NHS: variants seen among roughly 807,000 people sequenced by gnomAD.
NHS encodes the protein actin remodeling regulator NHS.
Under a neutral mutation model 72.5 loss-of-function variants are expected in NHS, and 5 were observed. The observed-to-expected ratio is 0.07, with a 90% confidence interval of 0.04 to 0.14. The LOEUF (loss-of-function observed/expected upper bound fraction) is 0.14, where lower values mean the gene tolerates loss of function less well. NHS is among the 10% of genes least tolerant of loss of function. NHS has a pLI of 1.00. For missense variants in NHS, 1,072 were observed against 1,355.7 expected, an observed-to-expected ratio of 0.79 and a Z score of 3.29; for synonymous variants, 464 against 547.7, an observed-to-expected ratio of 0.85 and a Z score of 2.13.
rs1416017080 is a variant in NHS at position 17,732,493 on chromosome X, G to A, written c.*29G>A. On this transcript the variant is annotated 3_prime_UTR_variant, in exon 9 of 9. Coordinates refer to ENST00000676302, the MANE Select transcript of NHS (RefSeq NM_001291867.2). ...GCCTGTACCAGGCTGCCTGGCAAAG[G>A]CCAAAACCCTTACTCACATGAGGAT... The A allele has an allele frequency of 8.3e-7, 1 of 1,211,271 alleles. No individual in the cohort carries two copies. The highest frequency in any genetic ancestry group is 1.1e-6 in the Non-Finnish European group (1 of 895,413).
chrX:17,561,557 TGCGCGCGCGCGCGC>T (rs1240571846), intron 1 of NHS, among the ~76,000 whole-genome samples: 1 of 76,516 alleles, frequency 1.3e-5, no homozygotes, highest in African/African-American at 5.2e-5. Flanking sequence ...TGCAAGTGCA[TGCGCGCGCGCGCGC>T]GCGCACACAC....
chrX:17,614,204 G>C (rs747397251), intron 1 of NHS, among the ~76,000 whole-genome samples: 32 of 112,328 alleles, frequency 2.8e-4, no homozygotes, highest in African/African-American at 1.0e-3. Context: ...CAGAGGCGTG[G>C]AGCTGTTGAC....
At chrX:17,685,308 A>T (rs1219029359) in intron 1 of NHS, among the ~76,000 whole-genome samples, 1 of 111,798 alleles carries the variant, frequency 8.9e-6, no homozygotes, top group Non-Finnish European at 1.9e-5. Context: ...TTCACCTGCT[A>T]ATGTGTGGCA....
At chrX:17,396,958 A>G (rs760825619) in intron 1 of NHS, among the ~76,000 whole-genome samples, 4 of 110,176 alleles carry the variant, frequency 3.6e-5, no homozygotes, top group Non-Finnish European at 7.6e-5. Flanking sequence ...TCCCCACCTT[A>G]AAAAAAAAGC....
intron 1 of NHS, chrX:17,585,954 C>T (rs2065573360): frequency 9.1e-6 from 1 of 110,167 alleles, no homozygotes; most frequent in Non-Finnish European, 1.9e-5. Flanking sequence ...TGAGAAGAAC[C>T]TCGAAGTCAT....
intron 3 of NHS, among the ~76,000 whole-genome samples, chrX:17,708,334 ACCATAGACCTCAG>A (rs1397404641): frequency 9.0e-6 from 1 of 111,603 alleles, no homozygotes; most frequent in African/African-American, 3.3e-5. Flanking sequence ...CTTTGCACGG[ACCATAGACCTCAG>A]CCAACCCAAA....
chrX:17,451,079 A>G (rs1388765241), intron 1 of NHS, among the ~76,000 whole-genome samples: 1 of 112,333 alleles, frequency 8.9e-6, no homozygotes, highest in African/African-American at 3.2e-5. Context: ...AAAAGAATGT[A>G]CAATATTTCT....
At chrX:17,409,978 A>C (rs1420041018) in intron 1 of NHS, among the ~76,000 whole-genome samples, 1 of 111,673 alleles carries the variant, frequency 9.0e-6, no homozygotes, top group Admixed American at 9.5e-5. Context: ...TGCTTCCAAA[A>C]CAGCTCTAAC....
At chrX:17,731,330 C>T (rs1029894286) in intron 8 of NHS, among the ~76,000 whole-genome samples, 4 of 103,531 alleles carry the variant, frequency 3.9e-5, no homozygotes, top group African/African-American at 7.1e-5. Flanking sequence ...CTCCGCCTCC[C>T]GGGTTCAAGT....
intron 3 of NHS, among the ~76,000 whole-genome samples, chrX:17,700,679 A>G (rs962777255): frequency 1.8e-5 from 2 of 111,787 alleles, no homozygotes; most frequent in African/African-American, 6.5e-5. Flanking sequence ...CTGCAATTCT[A>G]CTACAGATAC....
chrX:17,640,424 G>A (rs761082555), intron 1 of NHS, among the ~76,000 whole-genome samples: 1 of 111,859 alleles, frequency 8.9e-6, no homozygotes, highest in East Asian at 2.8e-4. Context: ...ACATACAGAA[G>A]GGAATTAATC....
intron 1 of NHS, among the ~76,000 whole-genome samples, chrX:17,539,933 C>A (rs945045762): frequency 1.8e-5 from 2 of 112,129 alleles, no homozygotes; most frequent in African/African-American, 3.2e-5. Context: ...GATGGTGGAG[C>A]CTGTGTCAGC....
At chrX:17,399,543 C>T (rs757633842) in intron 1 of NHS, among the ~76,000 whole-genome samples, 71 of 111,927 alleles carry the variant, frequency 6.3e-4, no homozygotes, top group African/African-American at 2.1e-3. Flanking sequence ...GGAAAGGAAC[C>T]TTCAGCTCTT....
chrX:17,718,635 AAAGG>A (rs1190674593), intron 3 of NHS, among the ~76,000 whole-genome samples: 2 of 94,328 alleles, frequency 2.1e-5, no homozygotes, highest in East Asian at 3.6e-4. Flanking sequence ...GGGAAGGAAA[AAAGG>A]AAGGAAGAAG....
chrX:17,583,494 T>C (rs2146984848), intron 1 of NHS, among the ~76,000 whole-genome samples: 1 of 112,416 alleles, frequency 8.9e-6, no homozygotes, highest in East Asian at 2.8e-4. Flanking sequence ...GAGTAGTTAA[T>C]CTTAAGCAAA....
chrX:17,629,491 C>G (rs982128351), intron 1 of NHS, among the ~76,000 whole-genome samples: 5 of 111,159 alleles, frequency 4.5e-5, no homozygotes, highest in African/African-American at 1.6e-4. Flanking sequence ...CTTGGTTAAT[C>G]TCCTGATGAA....
At chrX:17,560,943 A>G (rs1342776401) in intron 1 of NHS, among the ~76,000 whole-genome samples, 1 of 112,630 alleles carries the variant, frequency 8.9e-6, no homozygotes, top group Non-Finnish European at 1.9e-5. Flanking sequence ...TTGGTCTTCA[A>G]CATCACAGTC....
intron 1 of NHS, among the ~76,000 whole-genome samples, chrX:17,651,537 C>G (rs1601818297): frequency 8.9e-6 from 1 of 112,046 alleles, no homozygotes; most frequent in Non-Finnish European, 1.9e-5. Flanking sequence ...AGGTGGGTAC[C>G]TAGGCTCTTC....
chrX:17,624,896 A>G (rs1473160263), intron 1 of NHS, among the ~76,000 whole-genome samples: 1 of 112,360 alleles, frequency 8.9e-6, no homozygotes, highest in Non-Finnish European at 1.9e-5. Flanking sequence ...CCCCTCTAGA[A>G]CAGCAATTGT....
Sources: gnomAD v4.1 joint callset for allele counts (sites outside exome capture counted in the v4.1 genomes callset) on GRCh38, gnomAD v4.1.1 for gene constraint, MANE v1.5 for transcripts, NCBI Gene and HGNC (gene_info 2026-07-23, HGNC 2026-07-21) for gene names.